The following SMIM14 variants were observed in gnomAD, a reference collection of about 807,000 sequenced individuals.
SMIM14 encodes small integral membrane protein 14.
In SMIM14, 5 loss-of-function variants were observed where a neutral mutation model predicts 12.6. That is an observed-to-expected ratio of 0.40 (90% CI 0.21 to 0.83). The LOEUF (loss-of-function observed/expected upper bound fraction) is 0.83, where lower values mean the gene tolerates loss of function less well. SMIM14 is among the 40% of genes least tolerant of loss of function. The pLI is 0.37. For synonymous variants in SMIM14, 30 were observed against 40.1 expected (o/e 0.75, Z 0.95); for missense variants, 86 against 119.1 (o/e 0.72, Z 1.29).
At chr4:39,622,493 C>T (rs181089155) in intron 1 of SMIM14, among the ~76,000 whole-genome samples, 2 of 152,216 alleles carry the variant, frequency 1.3e-5, no homozygotes, top group African/African-American at 2.4e-5. Context: ...CTCCACCTCC[C>T]GGATTCAAGT....
At chr4:39,567,325 C>T (rs1712628806) in intron 3 of SMIM14, among the ~76,000 whole-genome samples, 2 of 151,932 alleles carry the variant, frequency 1.3e-5, no homozygotes, top group South Asian at 4.1e-4. Context: ...CAAAATGGGC[C>T]AGGTGTGGCA....
intron 1 of SMIM14, 113 bp from the exon 2 acceptor site, chr4:39,605,293 G>C: frequency 1.8e-6 from 1 of 542,168 alleles, no homozygotes; most frequent in South Asian, 3.0e-5. Context: ...ACTATGTATA[G>C]TTTGTATTTA....
chr4:39,575,420 T>C (rs987600979), intron 2 of SMIM14, among the ~76,000 whole-genome samples: 1 of 152,012 alleles, frequency 6.6e-6, no homozygotes, highest in Non-Finnish European at 1.5e-5. Flanking sequence ...GGTCTCGAAC[T>C]CCTGAGCTCA....
Position 39,558,595 on chromosome 4 carries a change from G to C in SMIM14, c.125-2025C>G, listed in dbSNP as rs1196977683. Reference sequence around the variant, plus strand: ...TAAAAAAACCCAGTTATACAAAGAAGAGAAGCTGTGCTTTGTGCTTAGAAA... The same window carrying C: ...TAAAAAAACCCAGTTATACAAAGAACAGAAGCTGTGCTTTGTGCTTAGAAA... On this transcript the variant is annotated intron_variant, in intron 3 of 4. Coordinates refer to ENST00000295958, the MANE Select transcript of SMIM14 (RefSeq NM_174921.3). The surrounding 1 kb of genome is among the most constrained non-coding windows in gnomAD (Gnocchi z 4.3). Among the ~76,000 whole-genome samples the C allele has an allele frequency of 2.0e-5, 3 of 152,328 alleles. No homozygotes were observed. In the East Asian group the frequency reaches 5.8e-4, roughly 29 times the overall value.
chr4:39,596,223 G>A (rs1257938344), intron 2 of SMIM14, among the ~76,000 whole-genome samples: 1 of 152,038 alleles, frequency 6.6e-6, no homozygotes, highest in East Asian at 1.9e-4. Context: ...AGCCTCCCAA[G>A]TAGCTGGGAT....
intron 2 of SMIM14, among the ~76,000 whole-genome samples, chr4:39,595,608 ATT>A (rs71192880): frequency 5.9e-5 from 8 of 135,494 alleles, no homozygotes; most frequent in African/African-American, 8.4e-5. Context: ...TGTAACTACG[ATT>A]TTTTTTTTTT....
chr4:39,587,239 G>GT (rs1713825566), intron 2 of SMIM14, among the ~76,000 whole-genome samples: 1 of 151,932 alleles, frequency 6.6e-6, no homozygotes, highest in Admixed American at 6.6e-5. Context: ...GCTCACGCCT[G>GT]TAATCCCAGC....
chr4:39,575,045 A>C (rs983787338), intron 2 of SMIM14, among the ~76,000 whole-genome samples: 5 of 152,096 alleles, frequency 3.3e-5, no homozygotes, highest in Non-Finnish European at 7.4e-5. Context: ...CAAAACAAAA[A>C]AACTAGTCTT....
In SMIM14 at chr4:39,583,135, C is replaced by G. The variant is rs189869398; in HGVS notation, c.76-10672G>C. 3.5e-4 allele frequency among the ~76,000 whole-genome samples: 53 copies of G among 152,220 alleles called. 1 individual carries two copies. The East Asian group carries it at 6.9e-3, about 20-fold the overall frequency. On this transcript the variant is annotated intron_variant, in intron 2 of 4. Coordinates refer to ENST00000295958, the MANE Select transcript of SMIM14 (RefSeq NM_174921.3). ...ACAGGGTGTCACTCTGTTGCCCTGG[C>G]TGGTGTGCAGTGGCACAATCATGGC... is the stretch of plus-strand genomic sequence containing the variant.
intron 1 of SMIM14, among the ~76,000 whole-genome samples, chr4:39,628,138 C>G (rs975579745): frequency 6.6e-6 from 1 of 151,690 alleles, no homozygotes; most frequent in African/African-American, 2.4e-5. Flanking sequence ...GAAACGCCGC[C>G]TCGACTAAAA....
chr4:39,615,958 T>C (rs1715207169), intron 1 of SMIM14, among the ~76,000 whole-genome samples: 1 of 152,192 alleles, frequency 6.6e-6, no homozygotes, highest in South Asian at 2.1e-4. Context: ...ATGTTAGTAA[T>C]TAAAGCTATG....
chr4:39,619,233 T>C (rs542164226), intron 1 of SMIM14, among the ~76,000 whole-genome samples: 99 of 135,082 alleles, frequency 7.3e-4, no homozygotes, highest in Non-Finnish European at 1.1e-3. Context: ...ATTCTATATA[T>C]CAATAAATAT....
chr4:39,638,520 C>T (rs1716191383), intron 1 of SMIM14: 1 of 985,456 alleles, frequency 1.0e-6, no homozygotes. Context: ...GCAGAGAATA[C>T]CCAATTGCAG....
intron 1 of SMIM14, among the ~76,000 whole-genome samples, chr4:39,613,082 C>A (rs1715094057): frequency 6.6e-6 from 1 of 152,056 alleles, no homozygotes; most frequent in African/African-American, 2.4e-5. Flanking sequence ...CTTTTTAATT[C>A]ATTAAATCAA....
chr4:39,571,854 G>A (rs1712908313), intron 3 of SMIM14, among the ~76,000 whole-genome samples: 1 of 151,380 alleles, frequency 6.6e-6, no homozygotes, highest in Admixed American at 6.6e-5. Context: ...CCAGGTTGGA[G>A]TGCAGTGGTG....
intron 2 of SMIM14, among the ~76,000 whole-genome samples, chr4:39,575,603 A>C (rs760638313): frequency 1.3e-5 from 2 of 152,198 alleles, no homozygotes; most frequent in South Asian, 2.1e-4. Context: ...TTTTGTTTTT[A>C]AGATAGGGTC....
At position 39,590,782 on chromosome 4, in the gene SMIM14, A is replaced by G. The variant is rs1714031571; in HGVS notation, c.75+14289T>C. Among the ~76,000 whole-genome samples the G allele has an allele frequency of 3.3e-5, 5 of 149,952 alleles. No individual in the cohort carries two copies. The Admixed American group carries it at 3.4e-4, about 10-fold the overall frequency. On this transcript the variant is annotated intron_variant, in intron 2 of 4. Transcript: ENST00000295958. ...GCGCCATTGCACTCCCGCTTGGGAG[A>G]CAGGGCAACACTCTGTCTCAAAAAA...
Position 39,553,734 on chromosome 4 carries a change from C to T in SMIM14, c.268-1576G>A, listed in dbSNP as rs574529854. 9.9e-5 allele frequency among the ~76,000 whole-genome samples: 15 copies of T among 151,946 alleles called. No homozygotes were observed. In the East Asian group the frequency reaches 2.5e-3, roughly 26 times the overall value. On this transcript the variant is annotated intron_variant, in intron 4 of 4. Transcript: ENST00000295958. ...TCAGCCTCACAAGTAGCTGGGATTA[C>T]AGGCACGCGCCACCATGCCTGGCTA...
intron 3 of SMIM14, among the ~76,000 whole-genome samples, chr4:39,564,364 C>A (rs1712468110): frequency 6.6e-6 from 1 of 151,972 alleles, no homozygotes; most frequent in East Asian, 1.9e-4. Flanking sequence ...CTCCTACAGG[C>A]TGAGTATTCC....
Sources: gnomAD v4.1 joint callset for allele counts (sites outside exome capture counted in the v4.1 genomes callset) on GRCh38, gnomAD v4.1.1 for gene constraint, Gnocchi (gnomAD v3.1) non-coding constraint, MANE v1.5 for transcripts, NCBI Gene and HGNC (gene_info 2026-07-23, HGNC 2026-07-21) for gene names.